The following RERE variants were observed in gnomAD, a reference collection of about 807,000 sequenced individuals.
RERE encodes the protein arginine-glutamic acid dipeptide repeats.
RERE carries 40 observed loss-of-function variants against 146.1 expected under a neutral mutation model. That is an observed-to-expected ratio of 0.27 (90% confidence interval 0.21 to 0.36). The LOEUF (loss-of-function observed/expected upper bound fraction) is 0.36, where lower values mean the gene tolerates loss of function less well. RERE is among the 10% of genes least tolerant of loss of function. The probability of loss-of-function intolerance (pLI) is 1.00; values close to 1 mark genes in which losing one functional copy is unlikely to be tolerated. For missense variants in RERE, 1,933 were observed against 2,138.7 expected (o/e 0.90, Z 1.90); for synonymous variants, 1,003 against 866.0 (o/e 1.16, Z -2.78).
At chr1:8,531,209 C>T (rs957880115) in intron 7 of RERE, among the ~76,000 whole-genome samples, 3 of 151,980 alleles carry the variant, frequency 2.0e-5, no homozygotes, top group Non-Finnish European at 2.9e-5. Flanking sequence ...AATGAGAGGC[C>T]GAAGTGGTGG....
At chr1:8,435,295 T>A (rs1441730249) in intron 11 of RERE, among the ~76,000 whole-genome samples, 1 of 152,172 alleles carries the variant, frequency 6.6e-6, no homozygotes, top group Non-Finnish European at 1.5e-5. Flanking sequence ...AGGGCCTTTG[T>A]TTTGTTCACT....
At chr1:8,771,165 C>G (rs564053790) in intron 1 of RERE, among the ~76,000 whole-genome samples, 1 of 152,160 alleles carries the variant, frequency 6.6e-6, no homozygotes, top group East Asian at 1.9e-4. Flanking sequence ...ATGCATATAG[C>G]ATAAATGTTT....
intron 11 of RERE, among the ~76,000 whole-genome samples, chr1:8,463,912 CCACAGTCT>C (rs1362937877): frequency 6.6e-6 from 1 of 152,230 alleles, no homozygotes; most frequent in East Asian, 1.9e-4. Flanking sequence ...GGTTAAACGA[CCACAGTCT>C]ATACACTTGT....
In RERE at chr1:8,358,337, G is replaced by A. The variant is rs754798655; in HGVS notation, c.4198C>T (p.Arg1400Cys). 3.1e-6 allele frequency: 5 copies of A among 1,612,696 alleles called. No individual in the cohort carries two copies. Among genetic ancestry groups the A allele is most frequent in the Admixed American group, 3.3e-5 (2 of 60,002 alleles). The change falls in exon 20 of 23, where the codon CGT becomes TGT. Residue 1400 changes from arginine (R) to cysteine (C), a missense_variant. Transcript: ENST00000400908. ...MSYPDRLAAE[R>C]IHAERMASLT... ...GATGCCATGCGCTCTGCGTGGATACGCTCGGCTGCCAGTCTGTCAGGGTAG... is the reference window on the plus strand; with the variant it reads ...GATGCCATGCGCTCTGCGTGGATACACTCGGCTGCCAGTCTGTCAGGGTAG...
chr1:8,539,136 A>T (rs569803408), intron 7 of RERE, among the ~76,000 whole-genome samples: 2 of 152,376 alleles, frequency 1.3e-5, no homozygotes, highest in African/African-American at 4.8e-5. Flanking sequence ...GAAAACTATC[A>T]AGTGATTAAA....
chr1:8,556,982 C>T (rs1646015401), intron 5 of RERE, among the ~76,000 whole-genome samples: 2 of 148,758 alleles, frequency 1.3e-5, no homozygotes, highest in Admixed American at 1.3e-4. Context: ...ATATTTTTAA[C>T]AAGGAACTAT....
At chr1:8,761,944 G>GA (rs1327191907) in intron 1 of RERE, among the ~76,000 whole-genome samples, 1 of 151,948 alleles carries the variant, frequency 6.6e-6, no homozygotes, top group Non-Finnish European at 1.5e-5. Context: ...AAAGAAAAAA[G>GA]AAAGGTTAGA....
intron 2 of RERE, among the ~76,000 whole-genome samples, chr1:8,640,189 T>C (rs539350131): frequency 2.3e-4 from 35 of 151,934 alleles, no homozygotes; most frequent in Non-Finnish European, 3.5e-4. Flanking sequence ...CATATTGAAA[T>C]TATGCTAAAA....
chr1:8,609,219 CAAAA>C (rs776942261), intron 4 of RERE, among the ~76,000 whole-genome samples: 1 of 113,796 alleles, frequency 8.8e-6, no homozygotes. Flanking sequence ...CCCTGTCTCC[CAAAA>C]AAAAAAAAAA....
intron 1 of RERE, among the ~76,000 whole-genome samples, chr1:8,720,037 G>A (rs1302043921): frequency 1.3e-5 from 2 of 151,842 alleles, no homozygotes; most frequent in Non-Finnish European, 2.9e-5. Flanking sequence ...CGGCTGAGGC[G>A]GGCAAATCAT....
chr1:8,355,177 C>A (rs1641241683), intron 22 of RERE, 57 bp from the exon 23 acceptor site: 1 of 1,577,336 alleles, frequency 6.3e-7, no homozygotes, highest in African/African-American at 1.3e-5. Flanking sequence ...GGCAGTCACG[C>A]AGGCTGGAGG....
intron 3 of RERE, among the ~76,000 whole-genome samples, chr1:8,616,865 C>G (rs74521170): frequency 6.6e-6 from 1 of 152,062 alleles, no homozygotes; most frequent in Non-Finnish European, 1.5e-5. Flanking sequence ...ATTATTTATT[C>G]CCAAGGCCTC....
At chr1:8,601,112 T>C (rs12041447) in intron 4 of RERE, among the ~76,000 whole-genome samples, 3 of 143,162 alleles carry the variant, frequency 2.1e-5, no homozygotes, top group South Asian at 2.2e-4. Context: ...CTCCACCTTC[T>C]GGGTTCAAGC....
intron 1 of RERE, among the ~76,000 whole-genome samples, chr1:8,810,063 T>G (rs1422129239): frequency 6.6e-6 from 1 of 151,866 alleles, no homozygotes; most frequent in Non-Finnish European, 1.5e-5. Flanking sequence ...TGGAGTGCAG[T>G]GGAGCGATCT....
chr1:8,365,173 C>A (rs1359505388), intron 13 of RERE, among the ~76,000 whole-genome samples: 2 of 152,220 alleles, frequency 1.3e-5, no homozygotes, highest in Non-Finnish European at 2.9e-5. Context: ...CCCAGGCAAT[C>A]CTGAGAAATT....
rs530178595 is a variant in RERE, at chr1:8,515,777, G to A, written c.831-7102C>T. 2.0e-4 allele frequency among the ~76,000 whole-genome samples: 31 copies of A among 152,210 alleles called. No homozygotes were observed. In the South Asian group the frequency reaches 6.4e-3, roughly 32 times the overall value. ...CTTCGGAAGAAAAATCCAGACCAAA[G>A]GCAGTATGAATCCTAGCCAAGACAT... is the stretch of plus-strand genomic sequence containing the variant. On this transcript the variant is annotated intron_variant, in intron 7 of 22. Coordinates refer to ENST00000400908, the MANE Select transcript of RERE (RefSeq NM_001042681.2).
intron 1 of RERE, among the ~76,000 whole-genome samples, chr1:8,752,369 A>C (rs1640554757): frequency 6.6e-6 from 1 of 152,310 alleles, no homozygotes; most frequent in Non-Finnish European, 1.5e-5. Context: ...AAAAGAAAAA[A>C]AATACTCCCA....
intron 10 of RERE, among the ~76,000 whole-genome samples, chr1:8,490,164 C>A (rs987528749): frequency 6.6e-6 from 1 of 151,590 alleles, no homozygotes; most frequent in Non-Finnish European, 1.5e-5. Context: ...AGGTCAAGAC[C>A]ATCCTGGCCA....
intron 4 of RERE, among the ~76,000 whole-genome samples, chr1:8,602,515 A>G (rs1003413770): frequency 8.6e-3 from 20 of 2,324 alleles, no homozygotes; most frequent in African/African-American, 0.019. Context: ...AGTTCAGGGG[A>G]AAAAAAAAGA....
Sources: gnomAD v4.1 joint callset for allele counts (sites outside exome capture counted in the v4.1 genomes callset) on GRCh38, gnomAD v4.1.1 for gene constraint, MANE v1.5 for transcripts, NCBI Gene and HGNC (gene_info 2026-07-23, HGNC 2026-07-21) for gene names.